SLC5A3: variants seen among roughly 807,000 people sequenced by gnomAD.
The protein encoded by SLC5A3 is sodium/myo-inositol cotransporter.
Under a neutral mutation model 43.2 loss-of-function variants are expected in SLC5A3, and 10 were observed. The ratio of observed to expected loss-of-function variants is 0.23; its 90% CI spans 0.14 to 0.39. The LOEUF is 0.39. Ranked by LOEUF, SLC5A3 falls within the 10% of genes least tolerant of loss-of-function variation. The pLI, the probability that SLC5A3 is intolerant of heterozygous loss-of-function variation, is 1.00. For synonymous variants in SLC5A3, 349 were observed against 322.0 expected (o/e 1.08, Z -0.90); for missense variants, 608 against 893.4 (o/e 0.68, Z 4.07).
Position 34,103,625 on chromosome 21 carries a change from A to G in SLC5A3, c.*6270A>G, listed in dbSNP as rs1979347513. 3.0e-6 allele frequency: 3 copies of G among 1,000,024 alleles called. No homozygotes were observed. Among genetic ancestry groups the G allele is most frequent in the South Asian group, 4.7e-5 (1 of 21,298 alleles). The allele number at this position is 1,000,024 out of a possible 1,614,324, so 61.9% of individuals were successfully genotyped here. A position where few individuals can be genotyped will look rare whatever the true frequency, so the allele number is the denominator to read the frequency against. ...CCCACACATAGAAAGCACAAGACTA[A>G]TAGTATTCTCTGTATCCCACAAGTG... On this transcript the variant is annotated 3_prime_UTR_variant, in exon 2 of 2. Coordinates refer to ENST00000381151, the MANE Select transcript of SLC5A3 (RefSeq NM_006933.7).
Position 34,101,605 on chromosome 21 carries a change from C to T in SLC5A3, c.*4250C>T, listed in dbSNP as rs950320031. The T allele has an allele frequency of 1.0e-6, 1 of 1,000,150 alleles. No individual in the cohort carries two copies. Among genetic ancestry groups the T allele is most frequent in the Non-Finnish European group, 1.2e-6 (1 of 829,936 alleles). The allele number at this position is 1,000,150 out of a possible 1,614,324, so 62.0% of individuals were successfully genotyped here. On this transcript the variant is annotated 3_prime_UTR_variant, in exon 2 of 2. Coordinates refer to ENST00000381151, the MANE Select transcript of SLC5A3 (RefSeq NM_006933.7). ...TTGCTGTGTCAGTTCTACACCTAGT[C>T]TTTTCAGCACTTAGCAAATTCAAAT...
chr21:34,087,467 A>C (rs919073522), intron 1 of SLC5A3, among the ~76,000 whole-genome samples: 1 of 152,240 alleles, frequency 6.6e-6, no homozygotes. Context: ...ACAACACAGA[A>C]AATTCTACCC....
intron 1 of SLC5A3, among the ~76,000 whole-genome samples, chr21:34,078,157 C>T (rs990352959): frequency 1.3e-5 from 2 of 152,048 alleles, no homozygotes; most frequent in African/African-American, 2.4e-5. Flanking sequence ...TTTTTCTTCC[C>T]ATGGGCCCTC....
rs1293014275 is a variant in SLC5A3 at position 34,098,182 on chromosome 21, G to A, written c.*827G>A. 2 of 999,552 alleles carry A rather than the reference G, an allele frequency of 2.0e-6. No individual in the cohort carries two copies. Among genetic ancestry groups the A allele is most frequent in the Non-Finnish European group, 2.4e-6 (2 of 829,636 alleles). The allele number at this position is 999,552 out of a possible 1,614,324, so 61.9% of individuals were successfully genotyped here. On this transcript the variant is annotated 3_prime_UTR_variant, in exon 2 of 2. Transcript: ENST00000381151. ...TGTTTATATAGTTTGGAAATGACCA[G>A]CCCCCTAAGCAGTGTTTGATTAACT...
Position 34,105,728 on chromosome 21 carries a change from C to T in SLC5A3, c.*8373C>T, listed in dbSNP as rs1979446999. 15 of 997,688 alleles carry T rather than the reference C, an allele frequency of 1.5e-5. No individual in the cohort carries two copies. In the South Asian group the frequency reaches 6.1e-4, roughly 41 times the overall value. The allele number at this position is 997,688 out of a possible 1,614,324, so 61.8% of individuals were successfully genotyped here. A position where few individuals can be genotyped will look rare whatever the true frequency, so the allele number is the denominator to read the frequency against. On this transcript the variant is annotated 3_prime_UTR_variant, in exon 2 of 2. Coordinates refer to ENST00000381151, the MANE Select transcript of SLC5A3 (RefSeq NM_006933.7). The stretch of plus-strand genomic sequence containing the variant: ...AATTGTAAATGGATTTCCAGTTTAC[C>T]TTCTGTTGTCTACAGCTTTTTTAAT...
At chr21:34,075,809 T>A (rs759949417) in intron 1 of SLC5A3, among the ~76,000 whole-genome samples, 16 of 152,200 alleles carry the variant, frequency 1.1e-4, no homozygotes, top group Non-Finnish European at 2.1e-4. Flanking sequence ...TGCTTTCAGT[T>A]TAGGAAAATA....
Position 34,102,926 on chromosome 21 carries a change from A to G in SLC5A3, c.*5571A>G. The G allele has an allele frequency of 1.0e-6, 1 of 999,756 alleles. No individual in the cohort carries two copies. Among genetic ancestry groups the G allele is most frequent in the Non-Finnish European group, 1.2e-6 (1 of 829,898 alleles). The allele number at this position is 999,756 out of a possible 1,614,324, so 61.9% of individuals were successfully genotyped here. A position where few individuals can be genotyped will look rare whatever the true frequency, so the allele number is the denominator to read the frequency against. On this transcript the variant is annotated 3_prime_UTR_variant, in exon 2 of 2. Coordinates refer to ENST00000381151, the MANE Select transcript of SLC5A3 (RefSeq NM_006933.7). Reference sequence around the variant, plus strand: ...AGTTGGCAGTAGGTATCCCCAACCTAATTTATCTTGGTAAATTCACCCTGT... The same window carrying G: ...AGTTGGCAGTAGGTATCCCCAACCTGATTTATCTTGGTAAATTCACCCTGT...
chr21:34,078,279 A>G (rs73361883), intron 1 of SLC5A3, among the ~76,000 whole-genome samples: 344 of 152,202 alleles, frequency 2.3e-3, no homozygotes, highest in African/African-American at 7.8e-3. Flanking sequence ...CCTGTGAACA[A>G]TGTTATACTT....
At position 34,104,605 on chromosome 21, in the gene SLC5A3, A is replaced by G. The variant is rs1036673972; in HGVS notation, c.*7250A>G. On this transcript the variant is annotated 3_prime_UTR_variant, in exon 2 of 2. Coordinates refer to ENST00000381151, the MANE Select transcript of SLC5A3 (RefSeq NM_006933.7). Reference sequence around the variant, plus strand: ...AGATGTTTTAGAAGAGTTAACCTGAACACTTTGAGGGAGAGATTATTCTTG... The same window carrying G: ...AGATGTTTTAGAAGAGTTAACCTGAGCACTTTGAGGGAGAGATTATTCTTG... 9 of 1,000,216 alleles carry G rather than the reference A, an allele frequency of 9.0e-6. No individual in the cohort carries two copies. In the South Asian group the frequency reaches 1.9e-4, roughly 21 times the overall value. 62.0% of individuals were successfully genotyped at this position (1,000,216 alleles called of 1,614,324 possible). A position where few individuals can be genotyped will look rare whatever the true frequency, so the allele number is the denominator to read the frequency against.
chr21:34,080,626 A>C (rs891193786), intron 1 of SLC5A3, among the ~76,000 whole-genome samples: 1 of 152,220 alleles, frequency 6.6e-6, no homozygotes, highest in Non-Finnish European at 1.5e-5. Context: ...CTTTGGTTGC[A>C]TGAATCTCAT....
chr21:34,102,460 C>G lies in SLC5A3; in HGVS notation c.*5105C>G, dbSNP rs1410688662. 1.0e-6 allele frequency: 1 copy of G among 1,000,078 alleles called. No homozygotes were observed. Among genetic ancestry groups the G allele is most frequent in the African/African-American group, 1.7e-5 (1 of 57,326 alleles). The allele number at this position is 1,000,078 out of a possible 1,614,324, so 62.0% of individuals were successfully genotyped here. A position where few individuals can be genotyped will look rare whatever the true frequency, so the allele number is the denominator to read the frequency against. Reference sequence around the variant, plus strand: ...GGTAAGCACCTAATTTATCCAGTAACCAACAACCCTAACCATTGGCATATA... The same window carrying G: ...GGTAAGCACCTAATTTATCCAGTAAGCAACAACCCTAACCATTGGCATATA... On this transcript the variant is annotated 3_prime_UTR_variant, in exon 2 of 2. Coordinates refer to ENST00000381151, the MANE Select transcript of SLC5A3 (RefSeq NM_006933.7).
Position 34,103,973 on chromosome 21 carries a change from G to T in SLC5A3, c.*6618G>T, listed in dbSNP as rs1979361951. 1.0e-6 allele frequency: 1 copy of T among 1,000,044 alleles called. No individual in the cohort carries two copies. The highest frequency in any genetic ancestry group is 1.7e-5 in the African/African-American group (1 of 57,276). 61.9% of individuals were successfully genotyped at this position (1,000,044 alleles called of 1,614,324 possible). On this transcript the variant is annotated 3_prime_UTR_variant, in exon 2 of 2. Coordinates refer to ENST00000381151, the MANE Select transcript of SLC5A3 (RefSeq NM_006933.7). The stretch of plus-strand genomic sequence containing the variant: ...TGTTTTAAGCTGTAGTGTGATTGGG[G>T]TTTTTTGTAAAAAATCTTAAATCTT...
intron 1 of SLC5A3, among the ~76,000 whole-genome samples, chr21:34,091,870 A>G (rs1395096780): frequency 6.6e-6 from 1 of 152,178 alleles, no homozygotes; most frequent in East Asian, 1.9e-4. Flanking sequence ...TTTAAGAAAA[A>G]AATGGACTAC....
In SLC5A3 at chr21:34,102,162, T is replaced by C. The variant is rs1222439765; in HGVS notation, c.*4807T>C. ...TTTGTCAGACTGTCCTTTGTTGGAA[T>C]ACTTTAGCTGTTCAGCTACTTTGAC... is the stretch of plus-strand genomic sequence containing the variant. On this transcript the variant is annotated 3_prime_UTR_variant, in exon 2 of 2. Coordinates refer to ENST00000381151, the MANE Select transcript of SLC5A3 (RefSeq NM_006933.7). The C allele has an allele frequency of 2.0e-5, 20 of 1,000,000 alleles. No individual in the cohort carries two copies. Among genetic ancestry groups the C allele is most frequent in the Middle Eastern group, 5.2e-4 (1 of 1,938 alleles). The allele number at this position is 1,000,000 out of a possible 1,614,324, so 61.9% of individuals were successfully genotyped here. A position where few individuals can be genotyped will look rare whatever the true frequency, so the allele number is the denominator to read the frequency against.
chr21:34,104,706 GGAA>G lies in SLC5A3; in HGVS notation c.*7357_*7359del. The G allele has an allele frequency of 1.0e-6, 1 of 1,000,144 alleles. No homozygotes were observed. The highest frequency in any genetic ancestry group is 1.2e-6 in the Non-Finnish European group (1 of 829,880). The allele number at this position is 1,000,144 out of a possible 1,614,324, so 62.0% of individuals were successfully genotyped here. On this transcript the variant is annotated 3_prime_UTR_variant, in exon 2 of 2. Transcript: ENST00000381151. ...AAACCTCAGGCCTGGGGGGATGAGG[GGAA>G]GAAGATTACCAGAAGTGCAGGAAAG...
intron 1 of SLC5A3, among the ~76,000 whole-genome samples, chr21:34,088,660 G>A (rs112796884): frequency 0.012 from 1,754 of 152,304 alleles, 38 homozygotes; most frequent in South Asian, 0.081. Context: ...GGCAAAAGCT[G>A]TTTAGACATA....
chr21:34,098,682 T>C lies in SLC5A3; in HGVS notation c.*1327T>C, dbSNP rs1056847396. On this transcript the variant is annotated 3_prime_UTR_variant, in exon 2 of 2. Transcript: ENST00000381151. ...GAACTTTTGGGGTTAGTAGTGTGTCTTGTGGAGGGTATTACAGGACTGTGT... is the reference window on the plus strand; with the variant it reads ...GAACTTTTGGGGTTAGTAGTGTGTCCTGTGGAGGGTATTACAGGACTGTGT... 48 of 1,000,204 alleles carry C rather than the reference T, an allele frequency of 4.8e-5. No homozygotes were observed. Among genetic ancestry groups the C allele is most frequent in the Non-Finnish European group, 5.5e-5 (46 of 829,958 alleles). 62.0% of individuals were successfully genotyped at this position (1,000,204 alleles called of 1,614,324 possible). A position where few individuals can be genotyped will look rare whatever the true frequency, so the allele number is the denominator to read the frequency against.
chr21:34,090,078 A>G (rs1438486717), intron 1 of SLC5A3, among the ~76,000 whole-genome samples: 1 of 152,138 alleles, frequency 6.6e-6, no homozygotes, highest in Non-Finnish European at 1.5e-5. Flanking sequence ...GTTCTCAAAA[A>G]GTTTTGGATT....
chr21:34,090,908 C>T (rs1327641755), intron 1 of SLC5A3, among the ~76,000 whole-genome samples: 3 of 152,182 alleles, frequency 2.0e-5, no homozygotes, highest in Admixed American at 6.5e-5. Context: ...GGTACCTACA[C>T]CCACCTCCCT....
Sources: gnomAD v4.1 joint callset for allele counts (sites outside exome capture counted in the v4.1 genomes callset) on GRCh38, gnomAD v4.1.1 for gene constraint, MANE v1.5 for transcripts, NCBI Gene and HGNC (gene_info 2026-07-23, HGNC 2026-07-21) for gene names.